The following PIAS2 variants were observed in gnomAD, a reference collection of about 807,000 sequenced individuals.
PIAS2 encodes the protein E3 SUMO-protein ligase PIAS2.
PIAS2 carries 19 observed loss-of-function variants against 69.7 expected under a neutral mutation model. That is an observed-to-expected ratio of 0.27 (90% CI 0.19 to 0.40). The LOEUF (loss-of-function observed/expected upper bound fraction) is 0.40, where lower values mean the gene tolerates loss of function less well. Among genes scored for constraint, PIAS2 ranks in the 10% least tolerant of loss-of-function variants. PIAS2 has a pLI of 1.00. For missense variants in PIAS2, 624 were observed against 757.0 expected, an observed-to-expected ratio of 0.82 and a Z score of 2.06; for synonymous variants, 261 against 263.2, an observed-to-expected ratio of 0.99 and a Z score of 0.08.
chr18:46,900,741 C>T (rs918646707), intron 1 of PIAS2, among the ~76,000 whole-genome samples: 8 of 151,248 alleles, frequency 5.3e-5, no homozygotes, highest in Non-Finnish European at 7.4e-5. Context: ...TTTGGGAGAC[C>T]GAGGCGGGTG....
chr18:46,888,164 A>G (rs557852122), intron 2 of PIAS2, among the ~76,000 whole-genome samples: 2 of 152,178 alleles, frequency 1.3e-5, no homozygotes, highest in Non-Finnish European at 2.9e-5. Flanking sequence ...AACCTGTACA[A>G]TAACAACTAT....
At chr18:46,862,239 G>A (rs535371932) in intron 3 of PIAS2, among the ~76,000 whole-genome samples, 3 of 152,124 alleles carry the variant, frequency 2.0e-5, no homozygotes, top group Non-Finnish European at 4.4e-5. Flanking sequence ...GCTGAGGCAG[G>A]AGAATCGCCT....
At chr18:46,816,047 G>A in intron 12 of PIAS2, 1 of 983,830 alleles carries the variant, frequency 1.0e-6, no homozygotes, top group Non-Finnish European at 1.2e-6. Flanking sequence ...AAATTTTTAG[G>A]TCTGAAAAGT....
intron 2 of PIAS2, among the ~76,000 whole-genome samples, chr18:46,880,952 A>G (rs898306884): frequency 1.3e-5 from 2 of 152,224 alleles, no homozygotes; most frequent in African/African-American, 4.8e-5. Context: ...AAGTTTTTCT[A>G]ATTTAATCAG....
chr18:46,836,097 G>A, intron 9 of PIAS2: 1 of 287,656 alleles, frequency 3.5e-6, no homozygotes, highest in Non-Finnish European at 6.6e-6. Flanking sequence ...TCTTTCCTGT[G>A]GGCTTTATAA....
intron 1 of PIAS2, among the ~76,000 whole-genome samples, chr18:46,899,613 A>G (rs554834745): frequency 6.6e-6 from 1 of 152,156 alleles, no homozygotes; most frequent in Non-Finnish European, 1.5e-5. Context: ...GACTACAAGC[A>G]CACACCACCA....
In PIAS2 at chr18:46,807,355, T is replaced by TATATATATATATATATATATA. The variant is rs2040736380; in HGVS notation, c.*5077_*5078insTATATATATATATATATATAT. 1 of 29,970 alleles carries TATATATATATATATATATATA rather than the reference T, an allele frequency of 3.3e-5. No individual in the cohort carries two copies. The highest frequency in any genetic ancestry group is 5.6e-5 in the Non-Finnish European group (1 of 17,764). The allele number at this position is 29,970 out of a possible 1,614,324, so 1.9% of individuals were successfully genotyped here. Reference sequence around the variant, plus strand: ...AGGTGTTTCTGAAACATGTCAGATTTTATATATATATATATATATATATAT... The same window carrying TATATATATATATATATATATA: ...AGGTGTTTCTGAAACATGTCAGATTTATATATATATATATATATATATATATATATATATATATATATATAT... On this transcript the variant is annotated 3_prime_UTR_variant, in exon 14 of 14. Transcript: ENST00000585916.
intron 13 of PIAS2, among the ~76,000 whole-genome samples, chr18:46,813,265 T>A (rs1215948327): frequency 6.6e-6 from 1 of 152,110 alleles, no homozygotes; most frequent in Non-Finnish European, 1.5e-5. Flanking sequence ...TTAAAGAAGA[T>A]CTAACCTAAT....
At chr18:46,899,991 G>A (rs936798848) in intron 1 of PIAS2, among the ~76,000 whole-genome samples, 5 of 152,168 alleles carry the variant, frequency 3.3e-5, no homozygotes, top group South Asian at 2.1e-4. Flanking sequence ...TGCATTTTGG[G>A]AGGCCAAGTG....
chr18:46,820,971 T>G lies in PIAS2; in HGVS notation c.1610A>C (p.His537Pro). 1.9e-6 allele frequency: 3 copies of G among 1,613,036 alleles called. No individual in the cohort carries two copies. Among genetic ancestry groups the G allele is most frequent in the Non-Finnish European group, 2.5e-6 (3 of 1,179,382 alleles). The stretch of plus-strand genomic sequence containing the variant: ...TGACATGCTTGATATTGGCGTATGG[T>G]GGAATGGTACTGAGTAGTCTGTTAA... The part of the protein sequence containing the change: ...PSLTDYSVPF[H>P]HTPISSMSSD... The change falls in exon 12 of 14, where the codon CAC becomes CCC. Residue 537 changes from histidine to proline, a missense_variant. This residue lies in a region of PIAS2 where 241 missense variants were observed against 257.3 expected (regional missense o/e 0.94). Coordinates refer to ENST00000585916, the MANE Select transcript of PIAS2 (RefSeq NM_004671.5).
intron 3 of PIAS2, among the ~76,000 whole-genome samples, chr18:46,857,410 T>C (rs72909108): frequency 0.028 from 4,245 of 152,350 alleles, 108 homozygotes; most frequent in Non-Finnish European, 0.037. Flanking sequence ...GGAAAATTTT[T>C]GTCTTGAAAG....
chr18:46,815,889 C>G (rs576367206), intron 12 of PIAS2: 2 of 985,552 alleles, frequency 2.0e-6, no homozygotes, highest in African/African-American at 1.7e-5. Flanking sequence ...GCTGCGCTAA[C>G]AGGGTTATCA....
In PIAS2 at chr18:46,816,093, T is replaced by A. The variant is rs2041499065; in HGVS notation, c.1649-744A>T. The A allele has an allele frequency of 1.3e-5, 13 of 984,828 alleles. No homozygotes were observed. In the South Asian group the frequency reaches 6.1e-4, roughly 46 times the overall value. The allele number at this position is 984,828 out of a possible 1,614,324, so 61.0% of individuals were successfully genotyped here. A position where few individuals can be genotyped will look rare whatever the true frequency, so the allele number is the denominator to read the frequency against. ...ACTTCAACATCAGTTCACCTAGACC[T>A]CCCTGTGTGACTAAACTCTCTTTAA... On this transcript the variant is annotated intron_variant, in intron 12 of 13. Transcript: ENST00000585916.
chr18:46,918,926 CTGAGA>C (rs1260526898), upstream of PIAS2, among the ~76,000 whole-genome samples: 1 of 151,698 alleles, frequency 6.6e-6, no homozygotes, highest in Admixed American at 6.6e-5. Flanking sequence ...CTTTTTCTTC[CTGAGA>C]TGTCTCCATG....
chr18:46,858,928 A>G (rs950122401), intron 3 of PIAS2, among the ~76,000 whole-genome samples: 9 of 152,092 alleles, frequency 5.9e-5, no homozygotes, highest in African/African-American at 2.2e-4. Flanking sequence ...TATAGCATCA[A>G]TCTCCCAAAC....
At chr18:46,891,373 C>A (rs940702345) in intron 1 of PIAS2, 1 of 339,888 alleles carries the variant, frequency 2.9e-6, no homozygotes, top group East Asian at 7.1e-5. Context: ...ACTATAAAAT[C>A]TATCACCAAT....
chr18:46,908,763 C>T (rs1414347685), intron 1 of PIAS2, among the ~76,000 whole-genome samples: 1 of 152,180 alleles, frequency 6.6e-6, no homozygotes, highest in Non-Finnish European at 1.5e-5. Context: ...AATCCCAGCA[C>T]TTTGGGAGAC....
At chr18:46,847,236 A>G (rs942131382) in intron 5 of PIAS2, among the ~76,000 whole-genome samples, 1 of 152,210 alleles carries the variant, frequency 6.6e-6, no homozygotes. Flanking sequence ...GGGAAAGAAA[A>G]AAACCAAACT....
intron 12 of PIAS2, chr18:46,816,996 C>T: frequency 2.2e-6 from 2 of 926,454 alleles, no homozygotes; most frequent in Non-Finnish European, 2.6e-6. Flanking sequence ...CCTTGTAATA[C>T]CTTCAGAGTT....
Sources: gnomAD v4.1 joint callset for allele counts (sites outside exome capture counted in the v4.1 genomes callset) on GRCh38, gnomAD v4.1.1 for gene constraint, gnomAD v4.1.1 regional missense constraint, MANE v1.5 for transcripts, NCBI Gene and HGNC (gene_info 2026-07-23, HGNC 2026-07-21) for gene names.